VIL1: variants seen among roughly 807,000 people sequenced by gnomAD.
VIL1 encodes the protein villin 1.
Under a neutral mutation model 104.0 loss-of-function variants are expected in VIL1, and 86 were observed. That is an observed-to-expected ratio of 0.83 (90% CI 0.69 to 0.99). VIL1 has a LOEUF of 0.99. VIL1 is among the 50% of genes least tolerant of loss of function. The pLI, the probability that VIL1 is intolerant of heterozygous loss-of-function variation, is 0.00. For missense variants in VIL1, 944 were observed against 1,054.1 expected (o/e 0.90, Z 1.45); for synonymous variants, 394 against 412.6 (o/e 0.95, Z 0.55).
rs202171581 is a variant in VIL1 at position 218,428,321 on chromosome 2, G to A, written c.551G>A (p.Arg184His). The A allele has an allele frequency of 2.6e-5, 42 of 1,613,998 alleles. No homozygotes were observed. Among genetic ancestry groups the A allele is most frequent in the African/African-American group, 1.3e-4 (10 of 74,912 alleles). The change falls in exon 6 of 20, where the codon CGT becomes CAT. Residue 184 changes from arginine (R) to histidine (H), a missense_variant. Transcript: ENST00000248444. ...IIQWNGPEST[R>H]MERLRGMTLA... ...CAGTGGAATGGACCGGAAAGCACCC[G>A]TATGGAGAGACTCAGGGTAAACCTG...
chr2:218,445,585 G>GGT (rs1201320890), intron 19 of VIL1, among the ~76,000 whole-genome samples: 1 of 151,938 alleles, frequency 6.6e-6, no homozygotes, highest in Non-Finnish European at 1.5e-5. Flanking sequence ...TCCATCTATA[G>GGT]GTGTTTACTA....
chr2:218,434,469 T>C (rs1689152504), intron 13 of VIL1, 57 bp from the exon 14 acceptor site: 8 of 1,531,732 alleles, frequency 5.2e-6, no homozygotes, highest in African/African-American at 1.4e-5. Context: ...TTCCCCATCA[T>C]CTTCTTTACT....
Position 218,432,957 on chromosome 2 carries a change from G to T in VIL1, c.1500+6G>T. 6.2e-7 allele frequency: 1 copy of T among 1,614,098 alleles called. No individual in the cohort carries two copies. The highest frequency in any genetic ancestry group is 8.5e-7 in the Non-Finnish European group (1 of 1,180,024). Reference sequence around the variant, plus strand: ...GACGCATGGTGGTCTACCAGGTGTGGCTGCTGAACTGAGGTGTCTGGCAGT... The same window carrying T: ...GACGCATGGTGGTCTACCAGGTGTGTCTGCTGAACTGAGGTGTCTGGCAGT... On this transcript the variant is annotated splice_donor_region_variant and intron_variant, in intron 13 of 19. Coordinates refer to ENST00000248444, the MANE Select transcript of VIL1 (RefSeq NM_007127.3).
Position 218,432,830 on chromosome 2 carries a change from C to T in VIL1, c.1379C>T (p.Ala460Val), listed in dbSNP as rs1689122840. 8 of 1,614,060 alleles carry T rather than the reference C, an allele frequency of 5.0e-6. No homozygotes were observed. The highest frequency in any genetic ancestry group is 1.3e-5 in the African/African-American group (1 of 74,910). ...AGCCAAGATGAAATTACAGCATCAGCTTATCAAGCCGTCATCCTGGACCAG... is the reference window on the plus strand; with the variant it reads ...AGCCAAGATGAAATTACAGCATCAGTTTATCAAGCCGTCATCCTGGACCAG... ...QASQDEITAS[A>V]YQAVILDQKY... Residue 460 changes from alanine (A) to valine (V), a missense_variant, in exon 13 of 20, where the codon GCT becomes GTT. Coordinates refer to ENST00000248444, the MANE Select transcript of VIL1 (RefSeq NM_007127.3).
chr2:218,430,632 T>TCGCC, intron 9 of VIL1, 93 bp from the exon 10 acceptor site: 1 of 1,462,816 alleles, frequency 6.8e-7, no homozygotes, highest in East Asian at 2.4e-5. Context: ...GATCTGATGG[T>TCGCC]GGATCTGGTT....
At chr2:218,426,634 T>C (rs1689006997) in intron 4 of VIL1, among the ~76,000 whole-genome samples, 1 of 146,192 alleles carries the variant, frequency 6.8e-6, no homozygotes, top group Non-Finnish European at 1.5e-5. Flanking sequence ...CAGAGTCTTG[T>C]TCTGCCGCCC....
chr2:218,428,464 T>C lies in VIL1; in HGVS notation c.567+127T>C. 6.4e-6 allele frequency: 5 copies of C among 777,080 alleles called. No individual in the cohort carries two copies. In the South Asian group the frequency reaches 7.9e-5, roughly 12 times the overall value. The allele number at this position is 777,080 out of a possible 1,614,324, so 48.1% of individuals were successfully genotyped here. A position where few individuals can be genotyped will look rare whatever the true frequency, so the allele number is the denominator to read the frequency against. Reference sequence around the variant, plus strand: ...TTGAAGGTGGCTCAGTCTCCATGTGTTTGGTGCAGGCATGCATGTTGGAGT... The same window carrying C: ...TTGAAGGTGGCTCAGTCTCCATGTGCTTGGTGCAGGCATGCATGTTGGAGT... On this transcript the variant is annotated intron_variant, in intron 6 of 19. Transcript: ENST00000248444.
chr2:218,419,406 T>G (rs983980105), intron 1 of VIL1, among the ~76,000 whole-genome samples: 3 of 152,202 alleles, frequency 2.0e-5, no homozygotes, highest in Middle Eastern at 3.4e-3. Context: ...CTCCTACCTG[T>G]GGCTAGCCCC....
rs1429640835 is a variant in VIL1, at chr2:218,425,656, C to T, written c.192C>T (p.Tyr64=). ...TASSLSYDIH[Y]WIGQDSSLDE... is the part of the protein sequence containing the mutation. ...GCAGCCTGTCCTATGACATCCACTACTGGATTGGCCAGGACTCATCCCTGG... is the reference window on the plus strand; with the variant it reads ...GCAGCCTGTCCTATGACATCCACTATTGGATTGGCCAGGACTCATCCCTGG... Residue 64 remains tyrosine (Y), a synonymous_variant, in exon 4 of 20, where the codon TAC becomes TAT. Transcript: ENST00000248444. 6.2e-7 allele frequency: 1 copy of T among 1,614,094 alleles called. No individual in the cohort carries two copies. The highest frequency in any genetic ancestry group is 8.5e-7 in the Non-Finnish European group (1 of 1,180,038).
intron 19 of VIL1, among the ~76,000 whole-genome samples, chr2:218,445,413 G>A (rs914949769): frequency 4.0e-5 from 6 of 151,814 alleles, no homozygotes; most frequent in African/African-American, 9.7e-5. Flanking sequence ...CAACCTCCCC[G>A]CCAAAACAAA....
At position 218,430,792 on chromosome 2, in the gene VIL1, C is replaced by T. The variant is rs749219359; in HGVS notation, c.1016C>T (p.Ser339Leu). ...GAGGTGCAGAATGATGGGGCTGAGT[C>T]GGCCGTCTTTCAGCAGCTCTTCCAG... is the stretch of plus-strand genomic sequence containing the variant. ...QVEVQNDGAE[S>L]AVFQQLFQKW... is the part of the protein sequence containing the mutation. The change falls in exon 10 of 20, where the codon TCG (serine) becomes TTG (leucine). Residue 339 changes from serine (S) to leucine (L), a missense_variant. Coordinates refer to ENST00000248444, the MANE Select transcript of VIL1 (RefSeq NM_007127.3). 45 of 1,613,466 alleles carry T rather than the reference C, an allele frequency of 2.8e-5. No individual in the cohort carries two copies. Among genetic ancestry groups the T allele is most frequent in the Middle Eastern group, 1.6e-4 (1 of 6,084 alleles).
At chr2:218,443,629 GC>G (rs1689319408) in intron 19 of VIL1, among the ~76,000 whole-genome samples, 1 of 151,982 alleles carries the variant, frequency 6.6e-6, no homozygotes, top group Admixed American at 6.6e-5. Context: ...GTCAAAGAAG[GC>G]TTAGATTCTT....
At chr2:218,447,291 A>G (rs960803394) in intron 19 of VIL1, among the ~76,000 whole-genome samples, 1 of 152,134 alleles carries the variant, frequency 6.6e-6, no homozygotes, top group Non-Finnish European at 1.5e-5. Context: ...CTTTTGCTAG[A>G]AGAGTTGTAT....
intron 9 of VIL1, 102 bp from the exon 10 acceptor site, chr2:218,430,623 A>T: frequency 6.9e-7 from 1 of 1,446,836 alleles, no homozygotes; most frequent in Admixed American, 2.4e-5. Context: ...GCCGGGGTAG[A>T]TCTGATGGTG....
At chr2:218,440,136 A>G (rs1338616165) in intron 18 of VIL1, among the ~76,000 whole-genome samples, 7 of 152,232 alleles carry the variant, frequency 4.6e-5, no homozygotes, top group Non-Finnish European at 1.0e-4. Flanking sequence ...CACAACAGAT[A>G]AGAGAGACAG....
At chr2:218,419,572 G>A (rs2031809761) in intron 1 of VIL1, among the ~76,000 whole-genome samples, 1 of 152,168 alleles carries the variant, frequency 6.6e-6, no homozygotes, top group Admixed American at 6.5e-5. Flanking sequence ...TTCTTCATCT[G>A]AAGTGTTTTT....
chr2:218,420,372 T>C (rs1012526372), intron 1 of VIL1, among the ~76,000 whole-genome samples: 2 of 131,684 alleles, frequency 1.5e-5, no homozygotes, highest in African/African-American at 5.8e-5. Context: ...GAGATGACAG[T>C]GAGCCAGAAT....
intron 9 of VIL1, 56 bp from the exon 10 acceptor site, chr2:218,430,669 T>C (rs550124927): frequency 1.9e-5 from 29 of 1,525,528 alleles, no homozygotes; most frequent in Middle Eastern, 1.8e-4. Context: ...TTGGCTTGCA[T>C]TGGGAGTGGG....
At position 218,425,903 on chromosome 2, in the gene VIL1, C is replaced by A. The variant is rs1055712956; in HGVS notation, c.347+92C>A. The A allele has an allele frequency of 3.0e-6, 4 of 1,341,504 alleles. No homozygotes were observed. The African/African-American group carries it at 5.8e-5, about 20-fold the overall frequency. The allele number at this position is 1,341,504 out of a possible 1,614,324, so 83.1% of individuals were successfully genotyped here. Reference sequence around the variant, plus strand: ...AGCTGAAGAGGCAGGGACACCCAGACCTGTTCAGGCCTGGGAAGAACACTT... The same window carrying A: ...AGCTGAAGAGGCAGGGACACCCAGAACTGTTCAGGCCTGGGAAGAACACTT... On this transcript the variant is annotated intron_variant, in intron 4 of 19. Transcript: ENST00000248444.
Sources: allele counts gnomAD v4.1 joint callset (sites outside exome capture counted in the v4.1 genomes callset), GRCh38; gene constraint gnomAD v4.1.1; transcripts MANE v1.5; gene names NCBI Gene and HGNC (gene_info 2026-07-23, HGNC 2026-07-21).